The following HMCN1 variants were observed in gnomAD, a reference collection of about 807,000 sequenced individuals.
The protein encoded by HMCN1 is hemicentin 1, also known as hemicentin-1.
Under a neutral mutation model 625.9 loss-of-function variants are expected in HMCN1, and 321 were observed. The observed-to-expected ratio is 0.51, with a 90% CI of 0.47 to 0.56. The LOEUF is 0.56. Ranked by LOEUF, HMCN1 falls within the 20% of genes least tolerant of loss-of-function variation. HMCN1 has a pLI of 0.00. For missense variants in HMCN1, 6,588 were observed against 6,887.3 expected, an observed-to-expected ratio of 0.96 and a Z score of 1.54; for synonymous variants, 2,425 against 2,417.6, an observed-to-expected ratio of 1.00 and a Z score of -0.09.
At chr1:186,188,104 C>A in intron 106 of HMCN1, 95 bp downstream of exon 106, 1 of 1,383,228 alleles carries the variant, frequency 7.2e-7, no homozygotes. Context: ...ATGTGTAACT[C>A]ACAGGAAGTC....
intron 1 of HMCN1, among the ~76,000 whole-genome samples, chr1:185,835,992 G>T (rs138722193): frequency 3.7e-4 from 56 of 152,244 alleles, no homozygotes; most frequent in Non-Finnish European, 7.1e-4. Flanking sequence ...TAAAAGAGAC[G>T]AAAGCTTGAA....
In HMCN1 at chr1:185,864,549, A is replaced by T; in HGVS notation, c.419A>T (p.Tyr140Phe). 1 of 1,613,914 alleles carries T rather than the reference A, an allele frequency of 6.2e-7. No individual in the cohort carries two copies. Among genetic ancestry groups the T allele is most frequent in the Non-Finnish European group, 8.5e-7 (1 of 1,179,886 alleles). The change falls in exon 3 of 107, where the codon TAT becomes TTT. Residue 140 changes from tyrosine to phenylalanine, a missense_variant. Transcript: ENST00000271588. ...LEISLPGSFI[Y>F]VFTDARSKDY... is the part of the protein sequence containing the mutation. ...ATTTCTCTTCCTGGTTCTTTCATCT[A>T]TGTTTTCACTGATGCTCGGTCCAAA...
chr1:186,052,111 A>G (rs1202232585), intron 42 of HMCN1, among the ~76,000 whole-genome samples: 1 of 151,950 alleles, frequency 6.6e-6, no homozygotes, highest in Non-Finnish European at 1.5e-5. Context: ...TCAGTGAATA[A>G]AGGAAGAATG....
At chr1:185,809,975 C>CT (rs1400618621) in intron 1 of HMCN1, among the ~76,000 whole-genome samples, 1 of 151,938 alleles carries the variant, frequency 6.6e-6, no homozygotes, top group African/African-American at 2.4e-5. Flanking sequence ...ACTCATTAGT[C>CT]TTTTTTAGTG....
Position 185,870,021 on chromosome 1 carries a change from GT to G in HMCN1, c.621+4173del, listed in dbSNP as rs397944329. On this transcript the variant is annotated intron_variant, in intron 4 of 106. Coordinates refer to ENST00000271588, the MANE Select transcript of HMCN1 (RefSeq NM_031935.3). The stretch of plus-strand genomic sequence containing the variant: ...TAAAGTGAAGTTTTTACTGCGTTCT[GT>G]TTTTTTTTTTTTTTAAAAAAAAACA... Among the ~76,000 whole-genome samples the G allele has an allele frequency of 2.7e-3, 346 of 128,454 alleles. 2 individuals carry two copies. Among genetic ancestry groups the G allele is most frequent in the East Asian group, 3.7e-3 (16 of 4,300 alleles). The allele number at this position is 128,454 out of a possible 152,430, so 84.3% of individuals were successfully genotyped here.
chr1:185,738,912 G>T (rs779459930), intron 1 of HMCN1, among the ~76,000 whole-genome samples: 2 of 152,078 alleles, frequency 1.3e-5, no homozygotes, highest in South Asian at 4.1e-4. Context: ...ATATGTGCAG[G>T]CTTGTTACAT....
In HMCN1 at chr1:185,984,949, C is replaced by CA. The variant is rs201085095; in HGVS notation, c.2935+644dup. Among the ~76,000 whole-genome samples the CA allele has an allele frequency of 8.2e-3, 1,238 of 151,102 alleles. 14 individuals carry two copies. The highest frequency in any genetic ancestry group is 0.027 in the African/African-American group (1,123 of 41,224). Reference sequence around the variant, plus strand: ...TGCAACATTGCTTTTTTAAAAAAAACAAAAAAAACCATTGCATTAAAAATA... The same window carrying CA: ...TGCAACATTGCTTTTTTAAAAAAAACAAAAAAAAACCATTGCATTAAAAATA... On this transcript the variant is annotated intron_variant, in intron 19 of 106. Transcript: ENST00000271588.
chr1:185,857,890 A>G (rs1037978618), intron 2 of HMCN1, among the ~76,000 whole-genome samples: 2 of 152,234 alleles, frequency 1.3e-5, no homozygotes, highest in African/African-American at 4.8e-5. Flanking sequence ...ACCACAAAAG[A>G]AGAATAAACA....
rs138185209 is a variant in HMCN1 at position 186,030,380 on chromosome 1, C to T, written c.5749+7227C>T. ...TATATTGGGGATCTGTTGTTATGTA[C>T]GTATGTATTTATAATTGGTATATCC... On this transcript the variant is annotated intron_variant, in intron 36 of 106. Transcript: ENST00000271588. 8.9e-4 allele frequency among the ~76,000 whole-genome samples: 136 copies of T among 151,964 alleles called. 1 individual carries two copies. The highest frequency in any genetic ancestry group is 1.9e-3 in the East Asian group (10 of 5,174).
intron 1 of HMCN1, among the ~76,000 whole-genome samples, chr1:185,765,120 G>A (rs973897319): frequency 2.6e-5 from 4 of 152,102 alleles, no homozygotes; most frequent in East Asian, 3.9e-4. Flanking sequence ...ATCAGATTCC[G>A]TTTTGAGAAT....
intron 1 of HMCN1, among the ~76,000 whole-genome samples, chr1:185,794,916 GGTA>G (rs1658265452): frequency 1.3e-5 from 2 of 152,184 alleles, no homozygotes; most frequent in South Asian, 4.1e-4. Context: ...GTATATTTGG[GGTA>G]GAAATTTTTA....
chr1:185,938,218 A>G (rs1667914953), intron 11 of HMCN1, among the ~76,000 whole-genome samples: 1 of 152,174 alleles, frequency 6.6e-6, no homozygotes, highest in Admixed American at 6.5e-5. Flanking sequence ...ATTGAAGAAA[A>G]CTGTTCTAGG....
intron 86 of HMCN1, among the ~76,000 whole-genome samples, chr1:186,136,057 T>C (rs924103888): frequency 1.3e-5 from 2 of 152,096 alleles, no homozygotes; most frequent in Non-Finnish European, 2.9e-5. Flanking sequence ...GTGCCTGTAA[T>C]CCCAGCTACT....
At chr1:185,817,213 G>A (rs755697175) in intron 1 of HMCN1, among the ~76,000 whole-genome samples, 1 of 152,148 alleles carries the variant, frequency 6.6e-6, no homozygotes, top group Non-Finnish European at 1.5e-5. Context: ...CATATCCCCA[G>A]TGGCTATAGG....
chr1:185,789,989 T>A (rs1657883533), intron 1 of HMCN1, among the ~76,000 whole-genome samples: 1 of 152,200 alleles, frequency 6.6e-6, no homozygotes, highest in Non-Finnish European at 1.5e-5. Flanking sequence ...AGAAGATCTG[T>A]TCCTGTTCCA....
At chr1:185,834,928 C>T (rs1259927610) in intron 1 of HMCN1, among the ~76,000 whole-genome samples, 1 of 151,992 alleles carries the variant, frequency 6.6e-6, no homozygotes, top group Non-Finnish European at 1.5e-5. Context: ...AAAATAGCCT[C>T]TTATATAGAA....
At chr1:185,831,436 A>G (rs186867608) in intron 1 of HMCN1, among the ~76,000 whole-genome samples, 147 of 152,320 alleles carry the variant, frequency 9.7e-4, no homozygotes, top group African/African-American at 3.5e-3. Flanking sequence ...CAAATCCAGT[A>G]TCATCCTTAG....
At chr1:186,081,938 C>T (rs1236190679) in intron 56 of HMCN1, among the ~76,000 whole-genome samples, 1 of 152,032 alleles carries the variant, frequency 6.6e-6, no homozygotes, top group African/African-American at 2.4e-5. Flanking sequence ...ACTTCTTGAG[C>T]AAAATAAATA....
chr1:185,768,674 G>T (rs773551860), intron 1 of HMCN1, among the ~76,000 whole-genome samples: 2 of 152,192 alleles, frequency 1.3e-5, no homozygotes, highest in Admixed American at 6.5e-5. Context: ...GGCTGGGTGT[G>T]GCGGCTCACG....
Sources: gnomAD v4.1 joint callset for allele counts (sites outside exome capture counted in the v4.1 genomes callset) on GRCh38, gnomAD v4.1.1 for gene constraint, MANE v1.5 for transcripts, NCBI Gene and HGNC (gene_info 2026-07-23, HGNC 2026-07-21) for gene names.